TIPRL: variants seen among roughly 807,000 people sequenced by gnomAD.
TIPRL encodes the protein TOR signaling pathway regulator.
In TIPRL, 10 loss-of-function variants were observed where a neutral mutation model predicts 32.3. The observed-to-expected ratio is 0.31, with a 90% confidence interval of 0.19 to 0.52. TIPRL has a LOEUF of 0.52. TIPRL is among the 20% of genes least tolerant of loss of function. The probability of loss-of-function intolerance (pLI) is 0.96; values close to 1 mark genes in which losing one functional copy is unlikely to be tolerated. For missense variants in TIPRL, 250 were observed against 328.1 expected (o/e 0.76, Z 1.84); for synonymous variants, 100 against 114.0 (o/e 0.88, Z 0.78).
chr1:168,187,842 C>G (rs892205281), intron 3 of TIPRL, among the ~76,000 whole-genome samples: 1 of 151,928 alleles, frequency 6.6e-6, no homozygotes, highest in African/African-American at 2.4e-5. Context: ...TCTGGTGGCA[C>G]GTGTCTATAG....
At chr1:168,192,367 A>T (rs990658979) in intron 4 of TIPRL, 4 of 988,016 alleles carry the variant, frequency 4.0e-6, no homozygotes, top group East Asian at 5.8e-5. Context: ...AAAAAAAAAT[A>T]AAATAAAATA....
intron 4 of TIPRL, among the ~76,000 whole-genome samples, chr1:168,191,911 G>T (rs1349766794): frequency 6.7e-6 from 1 of 149,292 alleles, no homozygotes; most frequent in Non-Finnish European, 1.5e-5. Context: ...ATGATGTCAT[G>T]TACAATTTCA....
intron 3 of TIPRL, among the ~76,000 whole-genome samples, chr1:168,186,951 C>G (rs1482395973): frequency 6.6e-6 from 1 of 152,212 alleles, no homozygotes; most frequent in Non-Finnish European, 1.5e-5. Context: ...GATAAAAGTT[C>G]ATAGCAGGAA....
intron 6 of TIPRL, 126 bp downstream of exon 6, chr1:168,199,107 C>T (rs746408291): frequency 9.6e-5 from 63 of 654,010 alleles, no homozygotes; most frequent in Non-Finnish European, 1.6e-4. Context: ...CCTAATGGGG[C>T]TCTATAGGAT....
Position 168,196,627 on chromosome 1 carries a change from G to T in TIPRL, c.597G>T (p.Thr199=). ...GGGTGCTTATCAGAATGAATGACAC[G>T]AGACTTTACCATGAGGTATTTATTG... ...IDGVLIRMND[T]RLYHEADKTY... The change falls in exon 5 of 7, where the codon ACG becomes ACT. Residue 199 remains threonine, a synonymous_variant. Coordinates refer to ENST00000367833, the MANE Select transcript of TIPRL (RefSeq NM_152902.5). 6.3e-7 allele frequency: 1 copy of T among 1,597,926 alleles called. No individual in the cohort carries two copies.
intron 3 of TIPRL, among the ~76,000 whole-genome samples, chr1:168,186,080 A>C (rs1320120951): frequency 5.4e-4 from 40 of 74,642 alleles, no homozygotes; most frequent in Non-Finnish European, 9.2e-4. Context: ...GTCTCAAAAA[A>C]AAAAAAAAAA....
intron 3 of TIPRL, among the ~76,000 whole-genome samples, chr1:168,186,907 C>T (rs1303014862): frequency 6.6e-6 from 1 of 152,234 alleles, no homozygotes; most frequent in Non-Finnish European, 1.5e-5. Flanking sequence ...GTCTGGGCCC[C>T]TTTTCTCTGC....
At chr1:168,184,902 T>G in intron 3 of TIPRL, 24 bp downstream of exon 3, 1 of 1,453,848 alleles carries the variant, frequency 6.9e-7, no homozygotes, top group Non-Finnish European at 9.6e-7. Flanking sequence ...TTTTCTTTCA[T>G]GAGTCATTGA....
At chr1:168,188,820 AAC>A (rs1558163823) in intron 3 of TIPRL, among the ~76,000 whole-genome samples, 1 of 152,152 alleles carries the variant, frequency 6.6e-6, no homozygotes, top group African/African-American at 2.4e-5. Context: ...ATCTACTAAA[AAC>A]ACAAAAAAAT....
chr1:168,200,067 C>T lies in TIPRL; in HGVS notation c.*21C>T. 1 of 1,607,944 alleles carries T rather than the reference C, an allele frequency of 6.2e-7. No individual in the cohort carries two copies. ...AATAAAATGTGATACAACATATACT[C>T]ACTATGGAATCTGACTGGACACCTT... On this transcript the variant is annotated 3_prime_UTR_variant, in exon 7 of 7. Coordinates refer to ENST00000367833, the MANE Select transcript of TIPRL (RefSeq NM_152902.5).
intron 4 of TIPRL, among the ~76,000 whole-genome samples, chr1:168,195,981 G>A (rs1700148610): frequency 1.3e-5 from 2 of 152,200 alleles, no homozygotes; most frequent in South Asian, 2.1e-4. Flanking sequence ...CCTATCATTA[G>A]TAGTTATACT....
intron 4 of TIPRL, 89 bp from the exon 5 acceptor site, chr1:168,196,458 T>G: frequency 3.3e-6 from 3 of 904,386 alleles, no homozygotes; most frequent in Non-Finnish European, 4.6e-6. Flanking sequence ...GGTTTTTTTG[T>G]TTTTTGTTTT....
intron 5 of TIPRL, among the ~76,000 whole-genome samples, chr1:168,197,778 CG>C (rs1383066118): frequency 5.3e-5 from 8 of 152,136 alleles, no homozygotes; most frequent in African/African-American, 1.7e-4. Context: ...CCAATTGCCT[CG>C]GCCTCCCAAA....
intron 3 of TIPRL, among the ~76,000 whole-genome samples, chr1:168,188,101 TG>T (rs1257044773): frequency 6.6e-6 from 1 of 152,212 alleles, no homozygotes; most frequent in African/African-American, 2.4e-5. Context: ...ATATTATCTA[TG>T]GTATATTATT....
intron 3 of TIPRL, among the ~76,000 whole-genome samples, chr1:168,188,474 C>A (rs1700055081): frequency 6.6e-6 from 1 of 152,118 alleles, no homozygotes; most frequent in Admixed American, 6.5e-5. Context: ...CATGGCTATG[C>A]TTTAATAAAA....
intron 3 of TIPRL, 136 bp downstream of exon 3, chr1:168,185,014 A>G: frequency 3.6e-6 from 2 of 551,760 alleles, no homozygotes; most frequent in Non-Finnish European, 6.3e-6. Flanking sequence ...CTCAGAACCT[A>G]ATGTGAGGGG....
At chr1:168,184,357 G>A (rs1210807512) in intron 2 of TIPRL, among the ~76,000 whole-genome samples, 1 of 152,180 alleles carries the variant, frequency 6.6e-6, no homozygotes, top group Non-Finnish European at 1.5e-5. Flanking sequence ...TGAAGAGGCA[G>A]TAGGCTATAC....
At chr1:168,183,377 A>ATTTTTT (rs55731463) in intron 1 of TIPRL, among the ~76,000 whole-genome samples, 42,523 of 128,046 alleles carry the variant, frequency 0.33, 7,342 homozygotes, top group Admixed American at 0.46. Flanking sequence ...AATTCCTGTG[A>ATTTTTT]TTTTTTTTTT....
At chr1:168,180,820 C>CTTTTTTTTTT (rs71118909) in intron 1 of TIPRL, among the ~76,000 whole-genome samples, 31 of 124,176 alleles carry the variant, frequency 2.5e-4, no homozygotes, top group Admixed American at 8.2e-4. Flanking sequence ...TTTTTTATAA[C>CTTTTTTTTTT]TTTTTTTTTT....
Sources: gnomAD v4.1 joint callset for allele counts (sites outside exome capture counted in the v4.1 genomes callset) on GRCh38, gnomAD v4.1.1 for gene constraint, MANE v1.5 for transcripts, NCBI Gene and HGNC (gene_info 2026-07-23, HGNC 2026-07-21) for gene names.